The following DTNA variants were observed in gnomAD, a reference collection of about 807,000 sequenced individuals.
DTNA encodes dystrophin-related protein 3.
A neutral mutation model predicts 100.7 loss-of-function variants in DTNA; 43 were observed. The ratio of observed to expected loss-of-function variants is 0.43; its 90% confidence interval spans 0.33 to 0.55. DTNA has a LOEUF of 0.55. DTNA is among the 20% of genes least tolerant of loss of function. DTNA has a pLI of 0.04. For missense variants in DTNA, 798 were observed against 953.9 expected (o/e 0.84, Z 2.15); for synonymous variants, 349 against 347.9 (o/e 1.00, Z -0.04).
intron 1 of DTNA, among the ~76,000 whole-genome samples, chr18:34,637,860 A>G (rs1012354876): frequency 1.3e-5 from 2 of 152,240 alleles, no homozygotes; most frequent in African/African-American, 4.8e-5. Context: ...GGGTCACTCA[A>G]ATATTTGAGA....
chr18:34,820,712 A>G (rs2095693393), intron 8 of DTNA, 79 bp from the exon 9 acceptor site: 13 of 1,597,924 alleles, frequency 8.1e-6, no homozygotes, highest in East Asian at 2.3e-5. Context: ...ATGAATATCT[A>G]TTATGAAAAG....
intron 4 of DTNA, among the ~76,000 whole-genome samples, chr18:34,802,173 G>T (rs921891339): frequency 1.3e-5 from 2 of 152,212 alleles, no homozygotes; most frequent in African/African-American, 4.8e-5. Context: ...CCACTCCCAG[G>T]CTGTTTGGCC....
intron 1 of DTNA, among the ~76,000 whole-genome samples, chr18:34,646,665 A>G (rs1214411588): frequency 1.3e-5 from 2 of 152,164 alleles, no homozygotes; most frequent in Non-Finnish European, 2.9e-5. Context: ...CTTCTTTACA[A>G]ATCTCCATCT....
chr18:34,860,849 G>A (rs145418403), intron 16 of DTNA, among the ~76,000 whole-genome samples: 143 of 152,202 alleles, frequency 9.4e-4, no homozygotes, highest in African/African-American at 3.0e-3. Flanking sequence ...ACACTGTCCC[G>A]TAAAATTACT....
Position 34,838,176 on chromosome 18 carries a change from G to C in DTNA, c.1253+5G>C. The C allele has an allele frequency of 6.2e-7, 1 of 1,613,744 alleles. No homozygotes were observed. The highest frequency in any genetic ancestry group is 1.7e-5 in the Admixed American group (1 of 60,002). ...AGCTTTTCTGAAGGGCAAAGGGTAA[G>C]TTACAGCCAGAGTGTACTGGAACCC... is the stretch of plus-strand genomic sequence containing the variant. On this transcript the variant is annotated splice_donor_5th_base_variant and intron_variant, in intron 12 of 22. Transcript: ENST00000444659.
chr18:34,543,044 A>G (rs1046397552), intron 1 of DTNA, among the ~76,000 whole-genome samples: 1 of 152,036 alleles, frequency 6.6e-6, no homozygotes, highest in African/African-American at 2.4e-5. Flanking sequence ...TAACAATCTT[A>G]TTTAGTAGTA....
At chr18:34,867,407 G>C in intron 17 of DTNA, 1 of 1,227,814 alleles carries the variant, frequency 8.1e-7, no homozygotes, top group Non-Finnish European at 1.0e-6. Context: ...CAGTCCCCCT[G>C]GGTGAAGGAC....
intron 1 of DTNA, among the ~76,000 whole-genome samples, chr18:34,557,368 CG>C (rs1202596520): frequency 6.6e-6 from 1 of 150,970 alleles, no homozygotes; most frequent in African/African-American, 2.5e-5. Context: ...TCTCTCAGCT[CG>C]TCAAAGTCAT....
chr18:34,570,892 A>G (rs1054019416), intron 1 of DTNA, among the ~76,000 whole-genome samples: 3 of 152,168 alleles, frequency 2.0e-5, no homozygotes, highest in Admixed American at 6.5e-5. Context: ...GGAGTGAAGG[A>G]TACCTAAAGA....
At chr18:34,533,622 A>G (rs113677889) in intron 1 of DTNA, among the ~76,000 whole-genome samples, 3 of 152,264 alleles carry the variant, frequency 2.0e-5, no homozygotes, top group Admixed American at 1.3e-4. Context: ...TTTGCAGCGC[A>G]TGTTTTCTGA....
chr18:34,503,260 G>A (rs1467145904), intron 1 of DTNA, among the ~76,000 whole-genome samples: 1 of 143,244 alleles, frequency 7.0e-6, no homozygotes, highest in Non-Finnish European at 1.5e-5. Flanking sequence ...GTTCCTTGTA[G>A]ATAAAATATA....
At chr18:34,598,628 C>A (rs1408295230) in intron 1 of DTNA, among the ~76,000 whole-genome samples, 1 of 152,082 alleles carries the variant, frequency 6.6e-6, no homozygotes, top group Non-Finnish European at 1.5e-5. Context: ...CTTTGGGAGG[C>A]CGAGACGGGT....
intron 20 of DTNA, 94 bp downstream of exon 20, chr18:34,879,813 T>C (rs910754586): frequency 1.3e-6 from 2 of 1,512,126 alleles, no homozygotes; most frequent in African/African-American, 2.8e-5. Flanking sequence ...AGGGTTTTTT[T>C]AACCTTCAGA....
chr18:34,542,533 C>T (rs1254590970), intron 1 of DTNA, among the ~76,000 whole-genome samples: 1 of 151,970 alleles, frequency 6.6e-6, no homozygotes, highest in African/African-American at 2.4e-5. Flanking sequence ...GTCTACACTG[C>T]CAAAGTGTTT....
chr18:34,540,372 TC>T (rs965889926), intron 1 of DTNA, among the ~76,000 whole-genome samples: 5 of 152,178 alleles, frequency 3.3e-5, no homozygotes, highest in Non-Finnish European at 7.4e-5. Context: ...TTTCTGGGCT[TC>T]CTGTTGTCCA....
At chr18:34,576,381 A>G (rs763077791) in intron 1 of DTNA, among the ~76,000 whole-genome samples, 1 of 152,188 alleles carries the variant, frequency 6.6e-6, no homozygotes, top group Non-Finnish European at 1.5e-5. Flanking sequence ...GGGTATGAAC[A>G]CATTTTTCCT....
chr18:34,804,443 C>T (rs576051077), intron 4 of DTNA, among the ~76,000 whole-genome samples: 1 of 152,222 alleles, frequency 6.6e-6, no homozygotes, highest in South Asian at 2.1e-4. Context: ...AAAGCAAGAG[C>T]TGATGGAAGC....
At chr18:34,782,850 T>C (rs73412607) in intron 3 of DTNA, among the ~76,000 whole-genome samples, 21,470 of 152,138 alleles carry the variant, frequency 0.14, 1,600 homozygotes, top group African/African-American at 0.17. Flanking sequence ...CAGAACCTTA[T>C]AATATTTCTT....
rs2096961480 is a variant in DTNA at position 34,890,909 on chromosome 18, C to T, written c.*3175C>T. 6.4e-6 allele frequency: 1 copy of T among 156,570 alleles called. No individual in the cohort carries two copies. 9.7% of individuals were successfully genotyped at this position (156,570 alleles called of 1,614,324 possible). On this transcript the variant is annotated 3_prime_UTR_variant, in exon 23 of 23. Coordinates refer to ENST00000444659, the MANE Select transcript of DTNA (RefSeq NM_001386795.1). ...CACTGATGTCTGCTTTTATTTTGAT[C>T]ATCTTTGTCCACCCTTATTAGTTCT... is the stretch of plus-strand genomic sequence containing the variant.
Sources: allele counts gnomAD v4.1 joint callset (sites outside exome capture counted in the v4.1 genomes callset), GRCh38; gene constraint gnomAD v4.1.1; transcripts MANE v1.5; gene names NCBI Gene and HGNC (gene_info 2026-07-23, HGNC 2026-07-21).